Variants in SYTL3 observed in about 807,000 individuals in gnomAD.
SYTL3 encodes the protein synaptotagmin like 3.
A neutral mutation model predicts 82.1 loss-of-function variants in SYTL3; 88 were observed. That is an observed-to-expected ratio of 1.07 (90% confidence interval 0.90 to 1.28). SYTL3 has a LOEUF of 1.28. Among genes scored for constraint, SYTL3 ranks in the 50% most tolerant of loss-of-function variants. The pLI, the probability that SYTL3 is intolerant of heterozygous loss-of-function variation, is 0.00. For synonymous variants in SYTL3, 311 were observed against 289.4 expected (o/e 1.07, Z -0.76); for missense variants, 831 against 757.6 (o/e 1.10, Z -1.14).
At chr6:158,723,133 C>T (rs570837961) in intron 10 of SYTL3, among the ~76,000 whole-genome samples, 53 of 127,162 alleles carry the variant, frequency 4.2e-4, no homozygotes, top group African/African-American at 1.6e-3. Flanking sequence ...CTTGCTCTGT[C>T]GCCCAGGCTG....
chr6:158,661,551 A>C lies in SYTL3; in HGVS notation c.-520+166A>C, dbSNP rs118082531. ...TCATGCAACCTCTGCAGTTGGGATG[A>C]ATAATATATTTTAATTTTATTTTAC... On this transcript the variant is annotated intron_variant, in intron 3 of 17. Coordinates refer to ENST00000611299, the MANE Select transcript of SYTL3 (RefSeq NM_001242394.2). Among the ~76,000 whole-genome samples the C allele has an allele frequency of 1.4e-3, 219 of 152,366 alleles. 4 individuals carry two copies. The East Asian group carries it at 0.038, about 27-fold the overall frequency.
intron 5 of SYTL3, among the ~76,000 whole-genome samples, chr6:158,670,226 T>G (rs1297788368): frequency 6.6e-6 from 1 of 152,242 alleles, no homozygotes; most frequent in Non-Finnish European, 1.5e-5. Context: ...AATTATCATT[T>G]TATATTCACA....
At chr6:158,669,832 G>C (rs1220398747) in intron 5 of SYTL3, among the ~76,000 whole-genome samples, 1 of 152,252 alleles carries the variant, frequency 6.6e-6, no homozygotes, top group Non-Finnish European at 1.5e-5. Flanking sequence ...TGGATGTGGT[G>C]TGTATGCCTG....
chr6:158,763,496 C>A lies in SYTL3; in HGVS notation c.1710C>A (p.Thr570=). The part of the protein sequence containing the change: ...FGMNDRLLGG[T]RLGSKGDTAV... Reference sequence around the variant, plus strand: ...TGAACGACCGCTTGCTTGGAGGAACCAGACTTGGTTCAAGTAAGTCTGAGA... The same window carrying A: ...TGAACGACCGCTTGCTTGGAGGAACAAGACTTGGTTCAAGTAAGTCTGAGA... The change falls in exon 17 of 18, where the codon ACC becomes ACA. Residue 570 remains threonine, a synonymous_variant. Transcript: ENST00000611299. 6.2e-7 allele frequency: 1 copy of A among 1,614,098 alleles called. No homozygotes were observed. Among genetic ancestry groups the A allele is most frequent in the Non-Finnish European group, 8.5e-7 (1 of 1,179,970 alleles).
chr6:158,742,720 A>AC (rs1787096861), intron 11 of SYTL3, among the ~76,000 whole-genome samples: 1 of 151,984 alleles, frequency 6.6e-6, no homozygotes, highest in Non-Finnish European at 1.5e-5. Context: ...GGACTGGACT[A>AC]CAGGTGTGTG....
At chr6:158,716,947 T>A (rs1017261486) in intron 9 of SYTL3, among the ~76,000 whole-genome samples, 3 of 152,234 alleles carry the variant, frequency 2.0e-5, no homozygotes, top group Non-Finnish European at 2.9e-5. Flanking sequence ...GATGACATTT[T>A]TTAATATTTT....
chr6:158,754,495 C>T (rs763274409), intron 13 of SYTL3, among the ~76,000 whole-genome samples: 74 of 152,100 alleles, frequency 4.9e-4, no homozygotes, highest in Non-Finnish European at 8.8e-4. Flanking sequence ...CCGAGGCAGG[C>T]GGATCATGAG....
chr6:158,758,722 C>T (rs779964728), intron 14 of SYTL3, among the ~76,000 whole-genome samples: 1 of 152,154 alleles, frequency 6.6e-6, no homozygotes, highest in African/African-American at 2.4e-5. Flanking sequence ...GGGCTTAGAC[C>T]TCCCCTTCCC....
chr6:158,742,188 A>G (rs1287455062), intron 11 of SYTL3, among the ~76,000 whole-genome samples: 2 of 152,278 alleles, frequency 1.3e-5, no homozygotes, highest in South Asian at 2.1e-4. Context: ...AAAAAAATAA[A>G]TAAAGCGAGA....
chr6:158,744,330 G>A lies in SYTL3; in HGVS notation c.856-1150G>A, dbSNP rs1353546084. On this transcript the variant is annotated intron_variant, in intron 11 of 17. Transcript: ENST00000611299. ...TTTTTTTTTTTTTTTTTTTTGAGAC[G>A]GAGTCTTGCTCAGTCGCCCAGACTG... Among the ~76,000 whole-genome samples the A allele has an allele frequency of 7.5e-5, 9 of 119,710 alleles. No homozygotes were observed. The Admixed American group carries it at 9.8e-4, about 13-fold the overall frequency. The allele number at this position is 119,710 out of a possible 152,430, so 78.5% of individuals were successfully genotyped here.
At chr6:158,718,311 T>A in intron 10 of SYTL3, 100 bp downstream of exon 10, 1 of 1,263,680 alleles carries the variant, frequency 7.9e-7, no homozygotes, top group Non-Finnish European at 1.0e-6. Flanking sequence ...TTCTTTGGTT[T>A]TATAGAAAAA....
chr6:158,743,141 T>C (rs1195155469), intron 11 of SYTL3, among the ~76,000 whole-genome samples: 1 of 152,150 alleles, frequency 6.6e-6, no homozygotes, highest in Non-Finnish European at 1.5e-5. Flanking sequence ...CGTCCAGCCC[T>C]TGGACGTGCA....
At chr6:158,691,858 A>G (rs1396149335) in intron 6 of SYTL3, among the ~76,000 whole-genome samples, 1 of 149,904 alleles carries the variant, frequency 6.7e-6, no homozygotes, top group Non-Finnish European at 1.5e-5. Context: ...TCACCGTGTT[A>G]GCCAAGATGG....
chr6:158,645,195 A>G (rs1245558664), upstream of SYTL3, among the ~76,000 whole-genome samples: 1 of 152,178 alleles, frequency 6.6e-6, no homozygotes, highest in Non-Finnish European at 1.5e-5. Flanking sequence ...TGCTTTAGCT[A>G]TCTGAACGAA....
At chr6:158,686,127 CTGAG>C (rs141688453) in intron 6 of SYTL3, among the ~76,000 whole-genome samples, 3,989 of 152,172 alleles carry the variant, frequency 0.026, 130 homozygotes, top group South Asian at 0.092. Flanking sequence ...TTCATGTCTC[CTGAG>C]TGAGTGGGAG....
At chr6:158,708,804 T>C (rs1306550824) in intron 8 of SYTL3, among the ~76,000 whole-genome samples, 1 of 152,122 alleles carries the variant, frequency 6.6e-6, no homozygotes, top group Non-Finnish European at 1.5e-5. Context: ...ACCAGCACCA[T>C]TTCTGTCCAA....
intron 11 of SYTL3, among the ~76,000 whole-genome samples, chr6:158,733,664 A>T (rs1428396411): frequency 6.6e-6 from 1 of 151,980 alleles, no homozygotes; most frequent in Non-Finnish European, 1.5e-5. Context: ...GTTGTTAGCC[A>T]GTCAGGTTTT....
intron 11 of SYTL3, among the ~76,000 whole-genome samples, chr6:158,736,463 C>T (rs2128497868): frequency 6.6e-6 from 1 of 151,914 alleles, no homozygotes; most frequent in Admixed American, 6.6e-5. Flanking sequence ...TAAAACTAAA[C>T]AGTAGATTGT....
intron 13 of SYTL3, among the ~76,000 whole-genome samples, chr6:158,752,501 C>T (rs1018850612): frequency 2.0e-5 from 3 of 152,102 alleles, no homozygotes; most frequent in African/African-American, 7.2e-5. Flanking sequence ...TTAAATGAAT[C>T]CTTTTATGAA....
Sources: gnomAD v4.1 joint callset for allele counts (sites outside exome capture counted in the v4.1 genomes callset) on GRCh38, gnomAD v4.1.1 for gene constraint, MANE v1.5 for transcripts, NCBI Gene and HGNC (gene_info 2026-07-23, HGNC 2026-07-21) for gene names.